The following GALNT13 variants were observed in gnomAD, a reference collection of about 807,000 sequenced individuals.
GALNT13 encodes UDP-GalNAc:polypeptide N-acetylgalactosaminyltransferase 13.
In GALNT13, 28 loss-of-function variants were observed where a neutral mutation model predicts 64.2. That is an observed-to-expected ratio of 0.44 (90% CI 0.32 to 0.60). The LOEUF is 0.60. Among genes scored for constraint, GALNT13 ranks in the 20% least tolerant of loss-of-function variants. The probability of loss-of-function intolerance (pLI) is 0.05; values close to 1 mark genes in which losing one functional copy is unlikely to be tolerated. For synonymous variants in GALNT13, 214 were observed against 224.6 expected (o/e 0.95, Z 0.42); for missense variants, 577 against 669.8 (o/e 0.86, Z 1.53).
the GALNT13 span, among the ~76,000 whole-genome samples, chr2:153,706,829 T>A: frequency 6.6e-6 from 1 of 152,320 alleles, no homozygotes; most frequent in African/African-American, 2.4e-5. Context: ...CAAAACTGAA[T>A]AAACTACCTA....
At chr2:153,637,851 G>A in the GALNT13 span, among the ~76,000 whole-genome samples, 16 of 152,146 alleles carry the variant, frequency 1.1e-4, 1 homozygote, top group South Asian at 1.9e-3. Flanking sequence ...GATTGATTCC[G>A]TCATTCAATA....
the GALNT13 span, among the ~76,000 whole-genome samples, chr2:153,386,367 G>A: frequency 6.6e-6 from 1 of 152,058 alleles, no homozygotes; most frequent in Admixed American, 6.6e-5. Context: ...ACAGAGTCTA[G>A]TAAAAGCATC....
At chr2:153,143,385 C>A in the GALNT13 span, among the ~76,000 whole-genome samples, 1 of 151,966 alleles carries the variant, frequency 6.6e-6, no homozygotes. Flanking sequence ...GGCTCATGCC[C>A]ATTAATACCT....
At position 154,142,369 on chromosome 2, in the gene GALNT13, G is replaced by A. The variant is rs577680085; in HGVS notation, c.311+1864G>A. Among the ~76,000 whole-genome samples the A allele has an allele frequency of 9.9e-5, 15 of 151,804 alleles. No homozygotes were observed. In the South Asian group the frequency reaches 3.1e-3, roughly 32 times the overall value. On this transcript the variant is annotated intron_variant, in intron 4 of 12. Transcript: ENST00000392825. ...GTTTGAGAGCAGCCTGACCAATATG[G>A]TAAAACCCCATCTCCACTAAAAATA...
chr2:154,125,485 T>A (rs960592104), intron 3 of GALNT13, among the ~76,000 whole-genome samples: 4 of 152,184 alleles, frequency 2.6e-5, no homozygotes, highest in Non-Finnish European at 4.4e-5. Flanking sequence ...ATAGTTATAA[T>A]TAAATGTGTA....
At chr2:153,202,905 T>C in the GALNT13 span, among the ~76,000 whole-genome samples, 2 of 152,334 alleles carry the variant, frequency 1.3e-5, no homozygotes, top group Admixed American at 1.3e-4. Context: ...AGGTATGATA[T>C]ATTTTTTATC....
the GALNT13 span, among the ~76,000 whole-genome samples, chr2:153,397,988 T>G: frequency 6.6e-6 from 1 of 152,154 alleles, no homozygotes; most frequent in South Asian, 2.1e-4. Context: ...TAGTTACATA[T>G]GTATACATGT....
chr2:154,152,068 C>G (rs1471272992), intron 4 of GALNT13, among the ~76,000 whole-genome samples: 3 of 152,168 alleles, frequency 2.0e-5, no homozygotes, highest in Non-Finnish European at 4.4e-5. Context: ...GTGGCTGGTA[C>G]CGGTTGTTCC....
intron 4 of GALNT13, among the ~76,000 whole-genome samples, chr2:154,159,260 A>G (rs1684598589): frequency 6.6e-6 from 1 of 151,980 alleles, no homozygotes; most frequent in Admixed American, 6.6e-5. Flanking sequence ...TCAGCATCCC[A>G]AGTAGCTGGG....
chr2:153,810,438 A>G, the GALNT13 span, among the ~76,000 whole-genome samples: 3 of 152,174 alleles, frequency 2.0e-5, no homozygotes, highest in Non-Finnish European at 2.9e-5. Context: ...AATTAAAGTT[A>G]TTATAATTAT....
the GALNT13 span, among the ~76,000 whole-genome samples, chr2:153,363,549 G>A: frequency 6.6e-6 from 1 of 151,702 alleles, no homozygotes; most frequent in Admixed American, 6.6e-5. Flanking sequence ...ATGATAAAGG[G>A]GATATCACAA....
chr2:154,057,973 C>T (rs1259148971), intron 3 of GALNT13, among the ~76,000 whole-genome samples: 1 of 152,162 alleles, frequency 6.6e-6, no homozygotes, highest in African/African-American at 2.4e-5. Context: ...TAGTGCTAGT[C>T]ATTGCACTTG....
At chr2:153,137,332 G>A in the GALNT13 span, among the ~76,000 whole-genome samples, 11 of 151,958 alleles carry the variant, frequency 7.2e-5, no homozygotes, top group Non-Finnish European at 1.2e-4. Flanking sequence ...TTATGAAAGC[G>A]CCCCAGGAAG....
chr2:153,862,819 T>C, the GALNT13 span, among the ~76,000 whole-genome samples: 1 of 152,098 alleles, frequency 6.6e-6, no homozygotes, highest in Non-Finnish European at 1.5e-5. Context: ...AATGAAAAAT[T>C]CTAATATGTT....
rs16836418 is a variant in GALNT13 at position 154,290,186 on chromosome 2, G to C, written c.976-11223G>C. On this transcript the variant is annotated intron_variant, in intron 8 of 12. Transcript: ENST00000392825. ...AGAGCCCACTCTCCCATTCAAACAA[G>C]TGGAAGTCTCACACCCTCCTAGCAG... Among the ~76,000 whole-genome samples the C allele has an allele frequency of 4.8e-3, 726 of 152,298 alleles. 5 individuals are homozygous for C. Among genetic ancestry groups the C allele is most frequent in the African/African-American group, 0.017 (692 of 41,572 alleles).
the GALNT13 span, among the ~76,000 whole-genome samples, chr2:153,430,006 C>A: frequency 6.6e-6 from 1 of 152,030 alleles, no homozygotes; most frequent in East Asian, 1.9e-4. Flanking sequence ...ACAGGGATTG[C>A]TTTGTATGCA....
At chr2:154,022,823 G>A (rs188601061) in intron 3 of GALNT13, among the ~76,000 whole-genome samples, 1 of 142,810 alleles carries the variant, frequency 7.0e-6, no homozygotes, top group East Asian at 2.0e-4. Flanking sequence ...GCTTTCTCTT[G>A]TGGGCATTTA....
chr2:153,596,815 G>A, the GALNT13 span, among the ~76,000 whole-genome samples: 1 of 151,970 alleles, frequency 6.6e-6, no homozygotes, highest in Non-Finnish European at 1.5e-5. Flanking sequence ...AGACTCATCA[G>A]TGGGAAAATA....
At chr2:153,889,056 T>G (rs530378161) in intron 1 of GALNT13, among the ~76,000 whole-genome samples, 7 of 152,150 alleles carry the variant, frequency 4.6e-5, no homozygotes, top group Non-Finnish European at 7.4e-5. Flanking sequence ...GCAGAGTTGA[T>G]GCAAACTACC....
Sources: gnomAD v4.1 joint callset for allele counts (sites outside exome capture counted in the v4.1 genomes callset) on GRCh38, gnomAD v4.1.1 for gene constraint, MANE v1.5 for transcripts, NCBI Gene and HGNC (gene_info 2026-07-23, HGNC 2026-07-21) for gene names.